Variants in UNC45B observed in about 807,000 individuals in gnomAD.
UNC45B encodes the protein unc-45 myosin chaperone B.
In UNC45B, 78 loss-of-function variants were observed where a neutral mutation model predicts 98.7. The ratio of observed to expected loss-of-function variants is 0.79; its 90% CI spans 0.66 to 0.95. UNC45B has a LOEUF of 0.95. UNC45B is among the 40% of genes least tolerant of loss of function. The probability of loss-of-function intolerance (pLI) is 0.00; values close to 1 mark genes in which losing one functional copy is unlikely to be tolerated. For missense variants in UNC45B, 1,225 were observed against 1,184.9 expected, an observed-to-expected ratio of 1.03 and a Z score of -0.50; for synonymous variants, 462 against 480.4, an observed-to-expected ratio of 0.96 and a Z score of 0.50.
At chr17:35,164,863 C>A (rs1329449013) in intron 9 of UNC45B, among the ~76,000 whole-genome samples, 1 of 151,726 alleles carries the variant, frequency 6.6e-6, no homozygotes, top group Non-Finnish European at 1.5e-5. Context: ...GCTGGGACTA[C>A]AGGCACTTGC....
intron 15 of UNC45B, among the ~76,000 whole-genome samples, chr17:35,176,289 A>G (rs1567766904): frequency 6.6e-6 from 1 of 152,240 alleles, no homozygotes; most frequent in Admixed American, 6.5e-5. Flanking sequence ...TTGATGTAGA[A>G]GACTTGTAGT....
chr17:35,164,349 T>C, intron 9 of UNC45B, 183 bp downstream of exon 9: 1 of 610,734 alleles, frequency 1.6e-6, no homozygotes, highest in South Asian at 2.8e-5. Flanking sequence ...GTTACAGTCA[T>C]ATGCTGGCTG....
At position 35,170,204 on chromosome 17, in the gene UNC45B, C is replaced by T. The variant is rs375250036; in HGVS notation, c.1638C>T (p.Asp546=). The T allele has an allele frequency of 2.3e-5, 37 of 1,613,642 alleles. No individual in the cohort carries two copies. The highest frequency in any genetic ancestry group is 2.7e-5 in the Non-Finnish European group (32 of 1,179,808). Residue 546 remains aspartate (D), a synonymous_variant, in exon 12 of 20, where the codon GAC becomes GAT. Transcript: ENST00000394570. ...AYLTLDADVK[D]DFVQDVPALQ... is the part of the protein sequence containing the mutation. ...TCACGCTGGACGCTGATGTGAAGGA[C>T]GACTTTGTCCAGGACGTCCCTGCCC... is the stretch of plus-strand genomic sequence containing the variant.
At chr17:35,154,278 A>G (rs528329221) in intron 5 of UNC45B, among the ~76,000 whole-genome samples, 3 of 152,206 alleles carry the variant, frequency 2.0e-5, no homozygotes, top group African/African-American at 7.2e-5. Flanking sequence ...ATTGGAGTAA[A>G]CATTTGATCC....
chr17:35,167,937 C>A, intron 9 of UNC45B, 124 bp from the exon 10 acceptor site: 1 of 895,156 alleles, frequency 1.1e-6, no homozygotes, highest in South Asian at 3.7e-5. Context: ...CTGAATTGCC[C>A]AATATCACAC....
At chr17:35,171,065 C>T (rs929575008) in intron 12 of UNC45B, among the ~76,000 whole-genome samples, 4 of 152,080 alleles carry the variant, frequency 2.6e-5, no homozygotes, top group East Asian at 3.9e-4. Flanking sequence ...GTGGAAGAGG[C>T]GCAAAGCGAG....
intron 19 of UNC45B, among the ~76,000 whole-genome samples, chr17:35,185,737 A>G (rs6505449): frequency 6.6e-6 from 1 of 151,854 alleles, no homozygotes; most frequent in Non-Finnish European, 1.5e-5. Context: ...ATGTTAGAGG[A>G]AGGTATAGAA....
chr17:35,149,370 G>A (rs56302451), intron 3 of UNC45B, among the ~76,000 whole-genome samples: 36,372 of 152,054 alleles, frequency 0.24, 5,152 homozygotes, highest in East Asian at 0.4. Context: ...CTGCCTGGCT[G>A]TCTTTTGTTG....
intron 7 of UNC45B, 69 bp from the exon 8 acceptor site, chr17:35,159,306 G>C (rs2092085271): frequency 1.4e-6 from 2 of 1,416,214 alleles, no homozygotes; most frequent in African/African-American, 2.9e-5. Context: ...AGAAGCTGCT[G>C]CTCTTCTTGG....
rs1405841869 is a variant in UNC45B, at chr17:35,186,931, G to A, written c.*372G>A. 3 of 229,966 alleles carry A rather than the reference G, an allele frequency of 1.3e-5. No homozygotes were observed. The highest frequency in any genetic ancestry group is 2.6e-5 in the Non-Finnish European group (3 of 114,896). 14.2% of individuals were successfully genotyped at this position (229,966 alleles called of 1,614,324 possible). Reference sequence around the variant, plus strand: ...ATTTTGTGGTAAGGTAGGAACTAACGGGTGTGTGCATATAAAGGTTAATGC... The same window carrying A: ...ATTTTGTGGTAAGGTAGGAACTAACAGGTGTGTGCATATAAAGGTTAATGC... On this transcript the variant is annotated 3_prime_UTR_variant, in exon 20 of 20. Coordinates refer to ENST00000394570, the MANE Select transcript of UNC45B (RefSeq NM_001267052.2).
intron 8 of UNC45B, among the ~76,000 whole-genome samples, chr17:35,162,772 G>A (rs985277917): frequency 1.1e-4 from 16 of 152,096 alleles, no homozygotes; most frequent in Admixed American, 5.9e-4. Flanking sequence ...TAGTAGAGGC[G>A]GGGTTTTGCC....
intron 8 of UNC45B, 124 bp from the exon 9 acceptor site, chr17:35,163,871 T>G: frequency 1.8e-6 from 2 of 1,142,204 alleles, no homozygotes; most frequent in South Asian, 3.5e-5. Context: ...TCATTCTGGA[T>G]GAACCACATG....
intron 2 of UNC45B, 145 bp from the exon 3 acceptor site, chr17:35,148,828 C>A: frequency 1.1e-6 from 1 of 926,672 alleles, no homozygotes. Flanking sequence ...TCCTCTTTGC[C>A]ATGCCTGTGA....
chr17:35,179,668 G>A (rs192291499), intron 17 of UNC45B, among the ~76,000 whole-genome samples: 401 of 152,084 alleles, frequency 2.6e-3, no homozygotes, highest in South Asian at 7.7e-3. Context: ...ACCAAACACC[G>A]CATGTTCTCA....
At chr17:35,150,388 A>G (rs2092008884) in intron 4 of UNC45B, among the ~76,000 whole-genome samples, 165 bp downstream of exon 4, 1 of 152,236 alleles carries the variant, frequency 6.6e-6, no homozygotes, top group Non-Finnish European at 1.5e-5. Context: ...ACAGCTAAGC[A>G]GGTGCTTCTA....
intron 5 of UNC45B, 85 bp downstream of exon 5, chr17:35,153,067 G>A (rs1239471007): frequency 7.4e-6 from 9 of 1,213,656 alleles, no homozygotes; most frequent in Non-Finnish European, 1.1e-5. Flanking sequence ...AGGGGGACCG[G>A]AGGCCTGTCT....
At position 35,180,695 on chromosome 17, in the gene UNC45B, A is replaced by G. The variant is rs771993738; in HGVS notation, c.2373+19A>G. 1.3e-6 allele frequency: 2 copies of G among 1,598,316 alleles called. No homozygotes were observed. The highest frequency in any genetic ancestry group is 1.1e-5 in the South Asian group (1 of 90,400). The stretch of plus-strand genomic sequence containing the variant: ...CAAGGAGGTGAGGCAGGGGCTCAGG[A>G]TGGAGACCCGGGCGTGATCAAGGCA... On this transcript the variant is annotated intron_variant, in intron 18 of 19. Transcript: ENST00000394570.
At chr17:35,151,670 A>G (rs1288768332) in intron 4 of UNC45B, among the ~76,000 whole-genome samples, 2 of 152,188 alleles carry the variant, frequency 1.3e-5, no homozygotes, top group African/African-American at 2.4e-5. Flanking sequence ...AATAACTTCT[A>G]CACATCTGGA....
chr17:35,157,237 ATATT>A (rs1178682745), intron 7 of UNC45B, among the ~76,000 whole-genome samples: 2 of 151,588 alleles, frequency 1.3e-5, no homozygotes, highest in South Asian at 2.1e-4. Flanking sequence ...TTATTTATTT[ATATT>A]TATTTATTTA....
Sources: allele counts gnomAD v4.1 joint callset (sites outside exome capture counted in the v4.1 genomes callset), GRCh38; gene constraint gnomAD v4.1.1; transcripts MANE v1.5; gene names NCBI Gene and HGNC (gene_info 2026-07-23, HGNC 2026-07-21).